PPP4R4: variants seen among roughly 807,000 people sequenced by gnomAD.
PPP4R4 encodes the protein serine/threonine-protein phosphatase 4 regulatory subunit 4.
A neutral mutation model predicts 121.8 loss-of-function variants in PPP4R4; 70 were observed. The observed-to-expected ratio is 0.57, with a 90% CI of 0.47 to 0.70. PPP4R4 has a LOEUF of 0.70. PPP4R4 is among the 30% of genes least tolerant of loss of function. The probability of loss-of-function intolerance (pLI) is 0.00; values close to 1 mark genes in which losing one functional copy is unlikely to be tolerated. For synonymous variants in PPP4R4, 348 were observed against 355.7 expected, an observed-to-expected ratio of 0.98 and a Z score of 0.24; for missense variants, 875 against 1,033.6, an observed-to-expected ratio of 0.85 and a Z score of 2.10.
intron 2 of PPP4R4, among the ~76,000 whole-genome samples, chr14:94,182,350 C>T (rs1045007980): frequency 6.6e-6 from 1 of 152,150 alleles, no homozygotes; most frequent in Non-Finnish European, 1.5e-5. Context: ...AGTGAACACA[C>T]CCATGTACCC....
intron 2 of PPP4R4, among the ~76,000 whole-genome samples, chr14:94,190,606 C>CATAA (rs568676432): frequency 5.9e-5 from 9 of 151,996 alleles, no homozygotes; most frequent in East Asian, 1.9e-4. Flanking sequence ...GTCTCAAAAA[C>CATAA]ATAAATAAAT....
At chr14:94,240,448 G>A (rs992824997) in intron 8 of PPP4R4, among the ~76,000 whole-genome samples, 4 of 152,096 alleles carry the variant, frequency 2.6e-5, no homozygotes, top group Non-Finnish European at 5.9e-5. Context: ...CCTGCAGTAT[G>A]AAGTCCAAAC....
intron 19 of PPP4R4, among the ~76,000 whole-genome samples, chr14:94,260,314 T>C (rs1178753260): frequency 6.6e-6 from 1 of 151,950 alleles, no homozygotes; most frequent in African/African-American, 2.4e-5. Context: ...TAGTCCCAGC[T>C]ACTCAGGAGG....
intron 19 of PPP4R4, among the ~76,000 whole-genome samples, chr14:94,261,704 T>G (rs1327076954): frequency 6.6e-6 from 1 of 152,036 alleles, no homozygotes; most frequent in East Asian, 1.9e-4. Context: ...ATAGGTTTTA[T>G]GTAGATTCCC....
chr14:94,246,152 C>T (rs1892882062), intron 13 of PPP4R4, among the ~76,000 whole-genome samples: 1 of 152,012 alleles, frequency 6.6e-6, no homozygotes. Flanking sequence ...AAATTTGGTT[C>T]CCAGGAATCA....
intron 11 of PPP4R4, among the ~76,000 whole-genome samples, chr14:94,244,258 CTGAACTGGTA>C (rs1295797391): frequency 1.3e-5 from 2 of 152,306 alleles, no homozygotes; most frequent in East Asian, 3.9e-4. Flanking sequence ...TTGGGAAGTT[CTGAACTGGTA>C]TGAACACTTG....
At chr14:94,206,403 A>G (rs1351198297) in intron 2 of PPP4R4, among the ~76,000 whole-genome samples, 1 of 151,994 alleles carries the variant, frequency 6.6e-6, no homozygotes, top group Non-Finnish European at 1.5e-5. Flanking sequence ...ATCATTTTTA[A>G]AATCCACTCT....
chr14:94,258,726 A>G, intron 17 of PPP4R4, 57 bp from the exon 18 acceptor site: 4 of 1,286,540 alleles, frequency 3.1e-6, no homozygotes, highest in Middle Eastern at 1.9e-4. Context: ...TTGCTGAGAA[A>G]TGATTGGTTG....
In PPP4R4 at chr14:94,250,233, G is replaced by A. The variant is rs772495135; in HGVS notation, c.1673G>A (p.Arg558His). The change falls in exon 15 of 25, where the codon CGT becomes CAT. Residue 558 changes from arginine (R) to histidine (H), a missense_variant. Physicochemically the swap from Arg to His is conservative, Grantham distance 29. Coordinates refer to ENST00000304338, the MANE Select transcript of PPP4R4 (RefSeq NM_058237.2). Reference protein sequence around the residue: ...RTLCIFLRYNRKQEQRHEVIQ... With the variant: ...RTLCIFLRYNHKQEQRHEVIQ... The stretch of plus-strand genomic sequence containing the variant: ...CTATGCATTTTTCTGCGTTATAATC[G>A]TAAACAAGAACAGAGACATGAGGTC... 37 of 1,611,586 alleles carry A rather than the reference G, an allele frequency of 2.3e-5. No homozygotes were observed. Among genetic ancestry groups the A allele is most frequent in the African/African-American group, 1.9e-4 (14 of 74,800 alleles).
chr14:94,275,467 C>G lies in PPP4R4; in HGVS notation c.2543C>G (p.Ser848Ter), dbSNP rs759336319. 1 of 1,614,056 alleles carries G rather than the reference C, an allele frequency of 6.2e-7. No individual in the cohort carries two copies. Among genetic ancestry groups the G allele is most frequent in the South Asian group, 1.1e-5 (1 of 91,078 alleles). The change falls in exon 24 of 25, where the codon TCA becomes TGA. Residue 848 changes from serine to a stop codon, truncating the protein, a stop_gained. Transcript: ENST00000304338. LOFTEE classifies it high-confidence loss of function. ...LPSTSRGTGN[S>*]VDPKSSGSKD... ...AGTACTTCCCGTGGGACAGGTAACT[C>G]AGTTGACCCCAAGAGCAGTGGAAGT... is the stretch of plus-strand genomic sequence containing the variant.
intron 5 of PPP4R4, among the ~76,000 whole-genome samples, chr14:94,232,513 A>G (rs547780478): frequency 1.3e-5 from 2 of 152,334 alleles, no homozygotes; most frequent in African/African-American, 2.4e-5. Flanking sequence ...TTGAAAAGCA[A>G]TATGCTGTAT....
In PPP4R4 at chr14:94,246,518, G is replaced by T; in HGVS notation, c.1590G>T (p.Met530Ile). 2 of 1,613,266 alleles carry T rather than the reference G, an allele frequency of 1.2e-6. No homozygotes were observed. The highest frequency in any genetic ancestry group is 1.7e-6 in the Non-Finnish European group (2 of 1,179,510). The change falls in exon 14 of 25, where the codon ATG (methionine) becomes ATT (isoleucine). Residue 530 changes from methionine to isoleucine, a missense_variant. Met to Ile is a conservative substitution (Grantham distance 10). Transcript: ENST00000304338. ...DQIYYRFLQR[M>I]FTIMMTNNVL... ...TTTATTACCGTTTCTTACAAAGAAT[G>T]TTCACAATCATGATGACAAATGTGA...
At chr14:94,236,535 C>T (rs1194271043) in intron 7 of PPP4R4, among the ~76,000 whole-genome samples, 1 of 152,088 alleles carries the variant, frequency 6.6e-6, no homozygotes, top group African/African-American at 2.4e-5. Context: ...AGATCAATCT[C>T]TTAGAAAAAC....
intron 2 of PPP4R4, among the ~76,000 whole-genome samples, chr14:94,183,401 G>T (rs1051311460): frequency 6.6e-6 from 1 of 152,158 alleles, no homozygotes; most frequent in Non-Finnish European, 1.5e-5. Flanking sequence ...GTATATAATG[G>T]ATTCCAGCTG....
chr14:94,214,887 C>G (rs1890941167), intron 3 of PPP4R4, among the ~76,000 whole-genome samples: 1 of 152,040 alleles, frequency 6.6e-6, no homozygotes, highest in Non-Finnish European at 1.5e-5. Flanking sequence ...AAAATGCAGT[C>G]AAAACTTAGT....
intron 3 of PPP4R4, among the ~76,000 whole-genome samples, chr14:94,218,419 A>C: frequency 1.7e-5 from 2 of 119,198 alleles, no homozygotes; most frequent in African/African-American, 3.3e-5. Flanking sequence ...ACCCCTAGAC[A>C]CCGCACGCGC....
At chr14:94,207,720 A>G (rs1240357894) in intron 2 of PPP4R4, among the ~76,000 whole-genome samples, 4 of 151,596 alleles carry the variant, frequency 2.6e-5, no homozygotes, top group East Asian at 1.9e-4. Context: ...CTATATATAT[A>G]TATGTATATT....
At chr14:94,227,955 G>T in intron 3 of PPP4R4, 1 of 856,084 alleles carries the variant, frequency 1.2e-6, no homozygotes, top group Non-Finnish European at 1.4e-6. Flanking sequence ...AAACAAAGGG[G>T]TATGGGAGGA....
chr14:94,263,454 A>G (rs1463617435), intron 19 of PPP4R4, among the ~76,000 whole-genome samples: 1 of 152,174 alleles, frequency 6.6e-6, no homozygotes, highest in Non-Finnish European at 1.5e-5. Flanking sequence ...CAGTTCTAAA[A>G]TTTCCATTTG....
Sources: allele counts gnomAD v4.1 joint callset (sites outside exome capture counted in the v4.1 genomes callset), GRCh38; gene constraint gnomAD v4.1.1; transcripts MANE v1.5; gene names NCBI Gene and HGNC (gene_info 2026-07-23, HGNC 2026-07-21).